FBXO11: variants seen among roughly 807,000 people sequenced by gnomAD.
FBXO11 encodes F-box protein 11.
In FBXO11, 13 loss-of-function variants were observed where a neutral mutation model predicts 117.0. That is an observed-to-expected ratio of 0.11 (90% CI 0.07 to 0.18). FBXO11 has a LOEUF of 0.18. FBXO11 is among the 10% of genes least tolerant of loss of function. The pLI is 1.00. For missense variants in FBXO11, 767 were observed against 1,164.4 expected (o/e 0.66, Z 4.97); for synonymous variants, 490 against 380.5 (o/e 1.29, Z -3.35).
chr2:47,847,501 G>C (rs1201751723), intron 1 of FBXO11, among the ~76,000 whole-genome samples: 1 of 152,058 alleles, frequency 6.6e-6, no homozygotes, highest in African/African-American at 2.4e-5. Context: ...TTGAGGTCTG[G>C]AGTTTGGGAC....
Position 47,818,773 on chromosome 2 carries a change from A to G in FBXO11, c.2006+6T>C, listed in dbSNP as rs373819202. The G allele has an allele frequency of 3.2e-6, 5 of 1,571,186 alleles. No individual in the cohort carries two copies. The highest frequency in any genetic ancestry group is 4.3e-6 in the Non-Finnish European group (5 of 1,165,614). On this transcript the variant is annotated splice_donor_region_variant and intron_variant, in intron 16 of 22. Transcript: ENST00000403359. ...CCAAAAGATAGCCAAATATGAAAACATTTACCTTATCTGAACCCCTGAATA... is the reference window on the plus strand; with the variant it reads ...CCAAAAGATAGCCAAATATGAAAACGTTTACCTTATCTGAACCCCTGAATA...
intron 19 of FBXO11, 89 bp downstream of exon 19, chr2:47,810,227 G>GT: frequency 1.2e-6 from 1 of 833,234 alleles, no homozygotes; most frequent in Non-Finnish European, 1.8e-6. Flanking sequence ...GCACATTTTA[G>GT]TTAATAAGCA....
intron 11 of FBXO11, among the ~76,000 whole-genome samples, chr2:47,828,739 C>G (rs1671952657): frequency 6.6e-6 from 1 of 151,998 alleles, no homozygotes; most frequent in African/African-American, 2.4e-5. Flanking sequence ...AAAACACTTA[C>G]CAAATACTGT....
chr2:47,851,388 G>A (rs925026801), intron 1 of FBXO11, among the ~76,000 whole-genome samples: 3 of 151,882 alleles, frequency 2.0e-5, no homozygotes, highest in Non-Finnish European at 2.9e-5. Flanking sequence ...TTTTTACCAC[G>A]CGTGGCTAAT....
intron 1 of FBXO11, among the ~76,000 whole-genome samples, chr2:47,892,437 T>G (rs1413887625): frequency 1.3e-5 from 2 of 152,218 alleles, no homozygotes; most frequent in Non-Finnish European, 2.9e-5. Flanking sequence ...GGGACTTAAC[T>G]TTACATACTG....
At position 47,808,050 on chromosome 2, in the gene FBXO11, T is replaced by C; in HGVS notation, c.*68A>G. On this transcript the variant is annotated 3_prime_UTR_variant, in exon 23 of 23. Coordinates refer to ENST00000403359, the MANE Select transcript of FBXO11 (RefSeq NM_001190274.2). The stretch of plus-strand genomic sequence containing the variant: ...CTGTAGCATGGGCAAATATTTTAAA[T>C]CTTCTTCCAAAAAAGTGTTTTAAGT... 2 of 1,391,134 alleles carry C rather than the reference T, an allele frequency of 1.4e-6. No homozygotes were observed. The highest frequency in any genetic ancestry group is 1.4e-5 in the African/African-American group (1 of 69,812). 86.2% of individuals were successfully genotyped at this position (1,391,134 alleles called of 1,614,324 possible).
At chr2:47,844,991 G>C (rs1248737929) in intron 1 of FBXO11, among the ~76,000 whole-genome samples, 1 of 152,190 alleles carries the variant, frequency 6.6e-6, no homozygotes, top group South Asian at 2.1e-4. Context: ...GTGGGTTAAT[G>C]TCTCTATCAG....
At chr2:47,828,524 C>T (rs926436574) in intron 11 of FBXO11, among the ~76,000 whole-genome samples, 1 of 151,482 alleles carries the variant, frequency 6.6e-6, no homozygotes, top group African/African-American at 2.4e-5. Context: ...ACAAGAATTG[C>T]TTGAAGCCTG....
chr2:47,844,056 T>G (rs555448229), intron 1 of FBXO11, among the ~76,000 whole-genome samples: 1 of 152,260 alleles, frequency 6.6e-6, no homozygotes, highest in Middle Eastern at 3.4e-3. Context: ...TTGCTTATTC[T>G]TAACCATTTA....
intron 1 of FBXO11, among the ~76,000 whole-genome samples, chr2:47,899,228 C>G (rs1029753008): frequency 6.8e-6 from 1 of 147,784 alleles, no homozygotes; most frequent in Non-Finnish European, 1.5e-5. Flanking sequence ...GAGCCGAAAT[C>G]GCGCCACTGT....
chr2:47,835,880 G>T lies in FBXO11; in HGVS notation c.709C>A (p.Gln237Lys). 1 of 1,601,728 alleles carries T rather than the reference G, an allele frequency of 6.2e-7. No individual in the cohort carries two copies. The highest frequency in any genetic ancestry group is 8.5e-7 in the Non-Finnish European group (1 of 1,173,634). Residue 237 changes from glutamine (Q) to lysine (K), a missense_variant, in exon 5 of 23, where the codon CAG (glutamine) becomes AAG (lysine). Coordinates refer to ENST00000403359, the MANE Select transcript of FBXO11 (RefSeq NM_001190274.2). The part of the protein sequence containing the change: ...EHPNPWKESF[Q>K]QLYKGAHVKP... ...CTATTTATATTTCATACCAACTGCT[G>T]GAAACTCTCTTTCCAGGGATTTGGA... is the stretch of plus-strand genomic sequence containing the variant.
intron 1 of FBXO11, among the ~76,000 whole-genome samples, chr2:47,898,632 A>T (rs1558484126): frequency 6.6e-6 from 1 of 152,354 alleles, no homozygotes; most frequent in East Asian, 1.9e-4. Context: ...TCATCTTGAG[A>T]CAAATCTACA....
intron 1 of FBXO11, among the ~76,000 whole-genome samples, chr2:47,873,529 C>G (rs1486386672): frequency 6.6e-6 from 1 of 152,032 alleles, no homozygotes; most frequent in African/African-American, 2.4e-5. Flanking sequence ...CATACCTTCC[C>G]AGTGCTCCTG....
At chr2:47,882,677 G>C (rs531584213) in intron 1 of FBXO11, among the ~76,000 whole-genome samples, 2 of 152,074 alleles carry the variant, frequency 1.3e-5, no homozygotes, top group South Asian at 4.2e-4. Context: ...TTGAGACAGG[G>C]TCTCCCCTCT....
At chr2:47,808,988 C>T (rs980550076) in intron 21 of FBXO11, 170 bp downstream of exon 21, 19 of 511,260 alleles carry the variant, frequency 3.7e-5, no homozygotes, top group Admixed American at 1.5e-4. Flanking sequence ...TAAGCCACCA[C>T]GCCTACCCAC....
chr2:47,825,028 C>G lies in FBXO11; in HGVS notation c.1399-1668G>C, dbSNP rs77908447. ...ACTGTAAGCTCCTGTCTGGACTATT[C>G]TAACTTCTGGAGCATGTATGTAAGA... On this transcript the variant is annotated intron_variant, in intron 11 of 22. Transcript: ENST00000403359. Among the ~76,000 whole-genome samples the G allele has an allele frequency of 2.8e-4, 43 of 152,192 alleles. No individual in the cohort carries two copies. In the East Asian group the frequency reaches 7.9e-3, roughly 28 times the overall value.
rs1477774125 is a variant in FBXO11, at chr2:47,905,590, TGCTGCTGGGGCG to T, written c.119_130del (p.Pro40_Gln43del). 1.3e-5 allele frequency: 17 copies of T among 1,267,358 alleles called. No individual in the cohort carries two copies. The East Asian group carries it at 1.9e-4, about 14-fold the overall frequency. The allele number at this position is 1,267,358 out of a possible 1,614,324, so 78.5% of individuals were successfully genotyped here. A position where few individuals can be genotyped will look rare whatever the true frequency, so the allele number is the denominator to read the frequency against. The stretch of plus-strand genomic sequence containing the variant: ...CTGCTGCTGCGGCGGCGGCGGAGGC[TGCTGCTGGGGCG>T]GCTGCTGCTGGGGCGGCTGCGGCGG... On this transcript the variant is annotated inframe_deletion, in exon 1 of 23. Coordinates refer to ENST00000403359, the MANE Select transcript of FBXO11 (RefSeq NM_001190274.2).
At chr2:47,841,789 C>T (rs1484490891) in intron 1 of FBXO11, among the ~76,000 whole-genome samples, 6 of 151,818 alleles carry the variant, frequency 4.0e-5, no homozygotes, top group African/African-American at 1.4e-4. Context: ...TACAGGCACA[C>T]ACCACCATGC....
intron 1 of FBXO11, 137 bp downstream of exon 1, chr2:47,905,352 A>C: frequency 2.2e-6 from 2 of 896,992 alleles, no homozygotes; most frequent in Non-Finnish European, 2.8e-6. Context: ...GCACCGGGGG[A>C]CCCGCCTCCG....
Sources: allele counts gnomAD v4.1 joint callset (sites outside exome capture counted in the v4.1 genomes callset), GRCh38; gene constraint gnomAD v4.1.1; transcripts MANE v1.5; gene names NCBI Gene and HGNC (gene_info 2026-07-23, HGNC 2026-07-21).